The following DHRS2 variants were observed in gnomAD, a reference collection of about 807,000 sequenced individuals.
DHRS2 encodes dehydrogenase/reductase 2.
A neutral mutation model predicts 26.3 loss-of-function variants in DHRS2; 29 were observed. That is an observed-to-expected ratio of 1.10 (90% CI 0.82 to 1.50). The LOEUF is 1.50. Ranked by LOEUF, DHRS2 falls within the 40% of genes most tolerant of loss-of-function variation. The probability of loss-of-function intolerance (pLI) is 0.00; values close to 1 mark genes in which losing one functional copy is unlikely to be tolerated. For missense variants in DHRS2, 439 were observed against 367.1 expected (o/e 1.20, Z -1.60); for synonymous variants, 164 against 151.3 (o/e 1.08, Z -0.62).
intron 4 of DHRS2, chr14:23,641,723 G>C (rs1322515167): frequency 7.8e-7 from 1 of 1,289,812 alleles, no homozygotes; most frequent in Admixed American, 2.3e-5. Context: ...GTCATTGGGG[G>C]TCATCCCCCA....
chr14:23,642,756 C>A (rs916156279), intron 4 of DHRS2: 2 of 179,362 alleles, frequency 1.1e-5, no homozygotes, highest in African/African-American at 2.4e-5. Flanking sequence ...CTTGTAGAGA[C>A]AAGGTCTCAC....
chr14:23,644,888 T>A lies in DHRS2; in HGVS notation c.731+6T>A, dbSNP rs755730047. The stretch of plus-strand genomic sequence containing the variant: ...GAACATCATCAGCTGCAGAGGCAAG[T>A]GGGGTTTGGAGATTTGGTGGTCCAT... On this transcript the variant is annotated splice_donor_region_variant and intron_variant, in intron 8 of 8. Coordinates refer to ENST00000250383, the MANE Select transcript of DHRS2 (RefSeq NM_005794.4). 6.2e-7 allele frequency: 1 copy of A among 1,614,078 alleles called. No homozygotes were observed. Among genetic ancestry groups the A allele is most frequent in the African/African-American group, 1.3e-5 (1 of 75,026 alleles).
intron 4 of DHRS2, chr14:23,642,198 G>A (rs1890697652): frequency 9.9e-7 from 1 of 1,010,736 alleles, no homozygotes; most frequent in Non-Finnish European, 1.2e-6. Context: ...TCAGAGCCAA[G>A]TCTGCGATAA....
At chr14:23,645,066 C>T (rs1162696793) in intron 8 of DHRS2, 76 bp from the exon 9 acceptor site, 20 of 1,602,262 alleles carry the variant, frequency 1.2e-5, no homozygotes, top group Admixed American at 3.3e-5. Context: ...AGCCCACTCC[C>T]ACCTGTCATC....
In DHRS2 at chr14:23,638,280, T is replaced by C. The variant is rs111246918; in HGVS notation, c.-38-547T>C. 6.0e-3 allele frequency: 917 copies of C among 152,074 alleles called. 15 individuals carry two copies. The highest frequency in any genetic ancestry group is 0.022 in the African/African-American group (873 of 40,496). The allele number at this position is 152,074 out of a possible 1,614,324, so 9.4% of individuals were successfully genotyped here. On this transcript the variant is annotated intron_variant, in intron 1 of 8. Transcript: ENST00000250383. The stretch of plus-strand genomic sequence containing the variant: ...GACGGGAGGAATGAACAACTCCGGA[T>C]GGGAGGAATGAACAACTCCGGACAC...
At chr14:23,632,253 G>C (rs968945271), upstream of DHRS2, among the ~76,000 whole-genome samples, 2 of 152,134 alleles carry the variant, frequency 1.3e-5, no homozygotes, top group South Asian at 2.1e-4. Context: ...GAGTTCCCCA[G>C]GGGGGGCATA....
intron 5 of DHRS2, 187 bp downstream of exon 5, chr14:23,643,406 G>A (rs1352826120): frequency 3.3e-6 from 2 of 602,544 alleles, no homozygotes; most frequent in South Asian, 1.9e-5. Flanking sequence ...GCTGCAGGAT[G>A]AGAGTAGTAT....
upstream of DHRS2, among the ~76,000 whole-genome samples, chr14:23,635,415 C>T (rs1208646175): frequency 1.3e-5 from 2 of 152,232 alleles, no homozygotes; most frequent in African/African-American, 4.8e-5. Flanking sequence ...CAGTTTGGAA[C>T]ATTCTAAGCA....
At chr14:23,645,033 T>C (rs978433627) in intron 8 of DHRS2, 109 bp from the exon 9 acceptor site, 72 of 1,580,306 alleles carry the variant, frequency 4.6e-5, no homozygotes, top group Non-Finnish European at 5.9e-5. Context: ...GTAGCCCTGC[T>C]GCATCCACCT....
chr14:23,644,271 C>G (rs1212380882), intron 6 of DHRS2, 109 bp downstream of exon 6: 2 of 1,554,144 alleles, frequency 1.3e-6, no homozygotes, highest in East Asian at 4.5e-5. Context: ...CCACCATCCT[C>G]CTGCTGCCCT....
chr14:23,636,864 A>G (rs1184068844), intron 1 of DHRS2, 92 bp downstream of exon 1: 3 of 152,238 alleles, frequency 2.0e-5, no homozygotes, highest in African/African-American at 7.2e-5. Flanking sequence ...CGGCCAGTTA[A>G]AAGTGACTAG....
At chr14:23,643,080 A>T in intron 4 of DHRS2, 72 bp from the exon 5 acceptor site, 1 of 1,496,722 alleles carries the variant, frequency 6.7e-7, no homozygotes, top group Non-Finnish European at 9.3e-7. Context: ...CAGGGCTCCA[A>T]GTGTCTTATG....
intron 1 of DHRS2, among the ~76,000 whole-genome samples, chr14:23,637,249 T>C (rs1441954132): frequency 6.6e-6 from 1 of 152,240 alleles, no homozygotes; most frequent in Non-Finnish European, 1.5e-5. Flanking sequence ...CTGGTGCTTT[T>C]CTAATTTCTC....
At position 23,639,373 on chromosome 14, in the gene DHRS2, T is replaced by G. The variant is rs761380169; in HGVS notation, c.318+17T>G. ...GTGGCCAAGGTGAGGGGGCAGGCGGTGGAAGGACACAGAGAGGGGAACATG... is the reference window on the plus strand; with the variant it reads ...GTGGCCAAGGTGAGGGGGCAGGCGGGGGAAGGACACAGAGAGGGGAACATG... On this transcript the variant is annotated intron_variant, in intron 3 of 8. Coordinates refer to ENST00000250383, the MANE Select transcript of DHRS2 (RefSeq NM_005794.4). 1.9e-6 allele frequency: 3 copies of G among 1,554,530 alleles called. No individual in the cohort carries two copies. The highest frequency in any genetic ancestry group is 3.9e-5 in the Admixed American group (2 of 51,176).
At chr14:23,639,764 C>T (rs768501206) in intron 3 of DHRS2, 30 bp from the exon 4 acceptor site, 5 of 1,583,360 alleles carry the variant, frequency 3.2e-6, no homozygotes, top group East Asian at 2.3e-5. Flanking sequence ...CTCAGGCCAT[C>T]TCCACACTCA....
Position 23,643,217 on chromosome 14 carries a change from C to A in DHRS2, c.486C>A (p.Asn162Lys). ...LLSQLLPYME[N>K]RRGAVILVSS... ...GCCAGTTGCTGCCCTACATGGAGAA[C>A]AGGTATGGCAGGGCGGGGGTGGGGA... Residue 162 changes from asparagine (N) to lysine (K), a missense_variant and splice_region_variant, in exon 5 of 9, where the codon AAC (asparagine) becomes AAA (lysine). Transcript: ENST00000250383. 5.0e-6 allele frequency: 8 copies of A among 1,613,904 alleles called. No homozygotes were observed. The highest frequency in any genetic ancestry group is 6.8e-6 in the Non-Finnish European group (8 of 1,179,984).
upstream of DHRS2, among the ~76,000 whole-genome samples, chr14:23,632,541 T>C (rs1284073952): frequency 6.6e-6 from 1 of 152,218 alleles, no homozygotes; most frequent in African/African-American, 2.4e-5. Flanking sequence ...TTTGGTCGCC[T>C]GCATTTTGAC....
At chr14:23,643,305 G>C (rs1485937576) in intron 5 of DHRS2, 86 bp downstream of exon 5, 23 of 1,259,518 alleles carry the variant, frequency 1.8e-5, no homozygotes, top group Non-Finnish European at 2.3e-5. Context: ...GCCAGTAGTG[G>C]GTAGAGGACA....
At chr14:23,639,404 C>A in intron 3 of DHRS2, 48 bp downstream of exon 3, 1 of 1,518,688 alleles carries the variant, frequency 6.6e-7, no homozygotes, top group Non-Finnish European at 8.8e-7. Context: ...ACATGCAGAA[C>A]CTTTCCTTCA....
Sources: allele counts gnomAD v4.1 joint callset (sites outside exome capture counted in the v4.1 genomes callset), GRCh38; gene constraint gnomAD v4.1.1; transcripts MANE v1.5; gene names NCBI Gene and HGNC (gene_info 2026-07-23, HGNC 2026-07-21).